TNFRSF1B: variants seen among roughly 807,000 people sequenced by gnomAD.
TNFRSF1B encodes the protein tumor necrosis factor receptor superfamily member 1B.
In TNFRSF1B, 19 loss-of-function variants were observed where a neutral mutation model predicts 44.6. The observed-to-expected ratio is 0.43, with a 90% CI of 0.30 to 0.62. The LOEUF (loss-of-function observed/expected upper bound fraction) is 0.62. Among genes scored for constraint, TNFRSF1B ranks in the 20% least tolerant of loss-of-function variants. TNFRSF1B has a pLI of 0.16. For synonymous variants in TNFRSF1B, 252 were observed against 261.1 expected (o/e 0.97, Z 0.34); for missense variants, 541 against 619.9 (o/e 0.87, Z 1.35).
intron 1 of TNFRSF1B, among the ~76,000 whole-genome samples, chr1:12,183,703 TCTATCTATTCTATCTAC>T (rs1638883804): frequency 1.7e-5 from 2 of 117,022 alleles, no homozygotes; most frequent in African/African-American, 3.0e-5. Flanking sequence ...TATCTATCTA[TCTATCTATTCTATCTAC>T]CTATCTATCT....
At chr1:12,167,448 G>C (rs1638418801) in intron 1 of TNFRSF1B, 1 of 432,888 alleles carries the variant, frequency 2.3e-6, no homozygotes, top group Non-Finnish European at 4.2e-6. Flanking sequence ...TCCTCCGCGA[G>C]CGCAGGCCGG....
intron 1 of TNFRSF1B, among the ~76,000 whole-genome samples, chr1:12,182,735 G>T (rs997384518): frequency 1.3e-5 from 2 of 152,234 alleles, no homozygotes; most frequent in African/African-American, 4.8e-5. Flanking sequence ...GCACATAGTA[G>T]TTGCTTAGCA....
At position 12,207,016 on chromosome 1, in the gene TNFRSF1B, G is replaced by C. The variant is rs1327931181; in HGVS notation, c.1382G>C (p.Ser461Thr). The C allele has an allele frequency of 6.3e-7, 1 of 1,582,064 alleles. No individual in the cohort carries two copies. The highest frequency in any genetic ancestry group is 1.1e-5 in the South Asian group (1 of 88,384). Reference sequence around the variant, plus strand: ...GTGCCTGATGCTGGGATGAAGCCCAGTTAACCAGGCCGGTGTGGGCTGTGT... The same window carrying C: ...GTGCCTGATGCTGGGATGAAGCCCACTTAACCAGGCCGGTGTGGGCTGTGT... Reference protein sequence around the residue: ...LGVPDAGMKPS With the variant: ...LGVPDAGMKPT The change falls in exon 10 of 10, where the codon AGT becomes ACT. Residue 461 changes from serine (S) to threonine (T), a missense_variant. Physicochemically the swap from Ser to Thr is moderately conservative, Grantham distance 58. Coordinates refer to ENST00000376259, the MANE Select transcript of TNFRSF1B (RefSeq NM_001066.3).
At chr1:12,193,750 G>A (rs1639204103) in intron 6 of TNFRSF1B, among the ~76,000 whole-genome samples, 1 of 152,182 alleles carries the variant, frequency 6.6e-6, no homozygotes, top group African/African-American at 2.4e-5. Context: ...ACTGCATCAG[G>A]CCAGAGGTCT....
chr1:12,200,420 G>A (rs113521532), intron 8 of TNFRSF1B, among the ~76,000 whole-genome samples: 77 of 152,098 alleles, frequency 5.1e-4, no homozygotes, highest in African/African-American at 1.4e-3. Flanking sequence ...AGGTCTGCAC[G>A]CTTTCTCTGT....
At chr1:12,204,599 C>T (rs1256971080) in intron 9 of TNFRSF1B, among the ~76,000 whole-genome samples, 1 of 152,208 alleles carries the variant, frequency 6.6e-6, no homozygotes, top group Non-Finnish European at 1.5e-5. Flanking sequence ...TCAGCAAACC[C>T]ACCGTCCAGT....
chr1:12,189,490 G>GA (rs1639063984), intron 2 of TNFRSF1B, among the ~76,000 whole-genome samples: 2 of 152,230 alleles, frequency 1.3e-5, no homozygotes, highest in African/African-American at 4.8e-5. Flanking sequence ...TTCACAGATG[G>GA]TAGACCTGAG....
intron 1 of TNFRSF1B, among the ~76,000 whole-genome samples, chr1:12,183,744 T>TCTATCTAG (rs1341562085): frequency 9.6e-6 from 1 of 103,762 alleles, no homozygotes; most frequent in Non-Finnish European, 2.3e-5. Flanking sequence ...TATCTATCTA[T>TCTATCTAG]CTATCTAGCT....
At chr1:12,175,626 C>T (rs927949965) in intron 1 of TNFRSF1B, among the ~76,000 whole-genome samples, 2 of 152,138 alleles carry the variant, frequency 1.3e-5, no homozygotes, top group Non-Finnish European at 2.9e-5. Flanking sequence ...TCCTGAGCCT[C>T]GCAAGCCCCT....
At chr1:12,185,804 A>T (rs1026019479) in intron 1 of TNFRSF1B, among the ~76,000 whole-genome samples, 2 of 152,300 alleles carry the variant, frequency 1.3e-5, no homozygotes, top group African/African-American at 4.8e-5. Flanking sequence ...CTGAGCACCT[A>T]CGCCCTGCTA....
intron 8 of TNFRSF1B, among the ~76,000 whole-genome samples, chr1:12,196,732 C>T (rs1013959417): frequency 2.6e-5 from 4 of 152,212 alleles, no homozygotes; most frequent in African/African-American, 4.8e-5. Context: ...CATTCCCCGG[C>T]GAGCGAGTTT....
Position 12,207,104 on chromosome 1 carries a change from G to A in TNFRSF1B, c.*84G>A, listed in dbSNP as rs1639522581. Reference sequence around the variant, plus strand: ...TGCGAAGGGGCCCTGGTCCTTCCAGGCCCCCACCACTAGGACTCTGAGGCT... The same window carrying A: ...TGCGAAGGGGCCCTGGTCCTTCCAGACCCCCACCACTAGGACTCTGAGGCT... On this transcript the variant is annotated 3_prime_UTR_variant, in exon 10 of 10. Coordinates refer to ENST00000376259, the MANE Select transcript of TNFRSF1B (RefSeq NM_001066.3). 9.1e-6 allele frequency: 13 copies of A among 1,427,084 alleles called. No individual in the cohort carries two copies. The highest frequency in any genetic ancestry group is 9.3e-6 in the Non-Finnish European group (10 of 1,071,274). The allele number at this position is 1,427,084 out of a possible 1,614,324, so 88.4% of individuals were successfully genotyped here. A position where few individuals can be genotyped will look rare whatever the true frequency, so the allele number is the denominator to read the frequency against.
chr1:12,167,302 C>A, intron 1 of TNFRSF1B, 133 bp downstream of exon 1: 1 of 629,710 alleles, frequency 1.6e-6, no homozygotes, highest in Non-Finnish European at 2.3e-6. Context: ...TCCCAGTCGC[C>A]GCCCCCCATC....
rs148849554 is a variant in TNFRSF1B, at chr1:12,191,195, T to C, written c.307+110T>C. ...GTCTGGAGTTACCCCAGGCTGGTTG[T>C]TGGAAGTGGCACAGGTGCAGCTGTT... On this transcript the variant is annotated intron_variant, in intron 3 of 9. Coordinates refer to ENST00000376259, the MANE Select transcript of TNFRSF1B (RefSeq NM_001066.3). 4.9e-4 allele frequency: 706 copies of C among 1,442,250 alleles called. 6 individuals carry two copies. The African/African-American group carries it at 9.1e-3, about 19-fold the overall frequency. 89.3% of individuals were successfully genotyped at this position (1,442,250 alleles called of 1,614,324 possible).
rs1553163383 is a variant in TNFRSF1B at position 12,183,711 on chromosome 1, T to TCTATCTATTCTA, written c.79-5085_79-5084insCTATCTATTCTA. Among the ~76,000 whole-genome samples, 873 of 93,190 alleles carry TCTATCTATTCTA rather than the reference T, an allele frequency of 9.4e-3. 16 individuals are homozygous for TCTATCTATTCTA. Among genetic ancestry groups the TCTATCTATTCTA allele is most frequent in the East Asian group, 0.025 (75 of 2,980 alleles). The allele number at this position is 93,190 out of a possible 152,430, so 61.1% of individuals were successfully genotyped here. ...ATCTATCTATCTATCTATCTATCTA[T>TCTATCTATTCTA]TCTATCTACCTATCTATCTATCTAT... On this transcript the variant is annotated intron_variant, in intron 1 of 9. Transcript: ENST00000376259.
chr1:12,202,623 C>T (rs1168202989), intron 9 of TNFRSF1B, among the ~76,000 whole-genome samples: 2 of 152,198 alleles, frequency 1.3e-5, no homozygotes, highest in Non-Finnish European at 2.9e-5. Flanking sequence ...CCAACACGGC[C>T]CAGCTACTGA....
chr1:12,204,696 T>G (rs1639462898), intron 9 of TNFRSF1B, among the ~76,000 whole-genome samples: 2 of 152,190 alleles, frequency 1.3e-5, no homozygotes, highest in African/African-American at 4.8e-5. Context: ...TGGCCGGATC[T>G]CCTGCATCTG....
At position 12,186,744 on chromosome 1, in the gene TNFRSF1B, G is replaced by T. The variant is rs1163261457; in HGVS notation, c.79-2052G>T. Among the ~76,000 whole-genome samples the T allele has an allele frequency of 1.3e-5, 2 of 152,228 alleles. No homozygotes were observed. Among genetic ancestry groups the T allele is most frequent in the East Asian group, 3.8e-4 (2 of 5,198 alleles). ...TACAGTGGGGAGTGCGCCAGCCCTG[G>T]CTCTGACCTCCTAGAACTGCCCTTT... is the stretch of plus-strand genomic sequence containing the variant. On this transcript the variant is annotated intron_variant, in intron 1 of 9. Coordinates refer to ENST00000376259, the MANE Select transcript of TNFRSF1B (RefSeq NM_001066.3). The surrounding 1 kb of genome is among the most constrained non-coding windows in gnomAD (Gnocchi z 4.8).
intron 9 of TNFRSF1B, among the ~76,000 whole-genome samples, chr1:12,203,406 C>G (rs1217930235): frequency 6.6e-6 from 1 of 152,188 alleles, no homozygotes; most frequent in Non-Finnish European, 1.5e-5. Flanking sequence ...CTCACTCACC[C>G]CCAGCTGCTC....
Sources: gnomAD v4.1 joint callset for allele counts (sites outside exome capture counted in the v4.1 genomes callset) on GRCh38, gnomAD v4.1.1 for gene constraint, Gnocchi (gnomAD v3.1) non-coding constraint, MANE v1.5 for transcripts, NCBI Gene and HGNC (gene_info 2026-07-23, HGNC 2026-07-21) for gene names.